CCDC187: variants seen among roughly 807,000 people sequenced by gnomAD.
The protein encoded by CCDC187 is coiled-coil domain-containing protein 187.
CCDC187 carries 32 observed loss-of-function variants against 38.0 expected under a neutral mutation model. The observed-to-expected ratio is 0.84, with a 90% CI of 0.64 to 1.13. The LOEUF (loss-of-function observed/expected upper bound fraction) is 1.13, where lower values mean the gene tolerates loss of function less well. Ranked by LOEUF, CCDC187 falls within the 50% of genes most tolerant of loss-of-function variation. The pLI, the probability that CCDC187 is intolerant of heterozygous loss-of-function variation, is 0.00. For missense variants in CCDC187, 707 were observed against 786.8 expected (o/e 0.90, Z 1.21); for synonymous variants, 333 against 347.9 (o/e 0.96, Z 0.48).
intron 16 of CCDC187, 44 bp downstream of exon 16, chr9:136,267,340 G>A (rs1364296409): frequency 3.1e-6 from 3 of 983,268 alleles, no homozygotes; most frequent in African/African-American, 1.8e-5. Flanking sequence ...ACAGCAGGGC[G>A]GGGCTACGGC....
In CCDC187 at chr9:136,293,345, AC is replaced by A. The variant is rs1461070729; in HGVS notation, c.833-1051del. Among the ~76,000 whole-genome samples the A allele has an allele frequency of 1.1e-3, 156 of 147,880 alleles. 2 individuals carry two copies. The highest frequency in any genetic ancestry group is 4.6e-3 in the Admixed American group (68 of 14,898). On this transcript the variant is annotated intron_variant, in intron 4 of 25. Transcript: ENST00000638797. Reference sequence around the variant, plus strand: ...CTCACATGCTTACACACTCACACTCACATGCTCACACACATTCACATGCTCA... The same window carrying A: ...CTCACATGCTTACACACTCACACTCAATGCTCACACACATTCACATGCTCA...
Position 136,250,864 on chromosome 9 carries a change from G to T in CCDC187, c.*2730C>A, listed in dbSNP as rs62579871. 3 of 455,040 alleles carry T rather than the reference G, an allele frequency of 6.6e-6. No homozygotes were observed. Among genetic ancestry groups the T allele is most frequent in the African/African-American group, 6.0e-5 (3 of 50,184 alleles). 28.2% of individuals were successfully genotyped at this position (455,040 alleles called of 1,614,324 possible). On this transcript the variant is annotated 3_prime_UTR_variant, in exon 26 of 26. Transcript: ENST00000638797. ...AGGCTGGGTCCAGCTGCTCCCGGGC[G>T]AGGGGTGTCTGGAGAGGGGCTCTTG...
Position 136,292,300 on chromosome 9 carries a change from A to G in CCDC187, c.833-5T>C. On this transcript the variant is annotated splice_region_variant and splice_polypyrimidine_tract_variant and intron_variant, in intron 4 of 25. Transcript: ENST00000638797. ...AAACACCAACCAGCTCCGAATCTTA[A>G]ACAGAGAAAACATACACACAGCCGG... 1 of 398,650 alleles carries G rather than the reference A, an allele frequency of 2.5e-6. No individual in the cohort carries two copies. The highest frequency in any genetic ancestry group is 4.4e-6 in the Non-Finnish European group (1 of 226,094). The allele number at this position is 398,650 out of a possible 1,614,324, so 24.7% of individuals were successfully genotyped here.
rs1830527978 is a variant in CCDC187, at chr9:136,250,926, C to G, written c.*2668G>C. 2.2e-6 allele frequency: 1 copy of G among 451,536 alleles called. No individual in the cohort carries two copies. The highest frequency in any genetic ancestry group is 1.6e-5 in the South Asian group (1 of 64,466). 28.0% of individuals were successfully genotyped at this position (451,536 alleles called of 1,614,324 possible). A position where few individuals can be genotyped will look rare whatever the true frequency, so the allele number is the denominator to read the frequency against. On this transcript the variant is annotated 3_prime_UTR_variant, in exon 26 of 26. Coordinates refer to ENST00000638797, the MANE Select transcript of CCDC187 (RefSeq NM_001378188.1). ...GGGGCCCAAAGAGGTTCTAAGGGGCCTGGGGTCTCTCACCAGAGCTATGGG... is the reference window on the plus strand; with the variant it reads ...GGGGCCCAAAGAGGTTCTAAGGGGCGTGGGGTCTCTCACCAGAGCTATGGG...
Position 136,254,683 on chromosome 9 carries a change from C to A in CCDC187, c.5145G>T (p.Leu1715=). 2 of 985,546 alleles carry A rather than the reference C, an allele frequency of 2.0e-6. No homozygotes were observed. The highest frequency in any genetic ancestry group is 3.5e-5 in the African/African-American group (2 of 57,380). The allele number at this position is 985,546 out of a possible 1,614,324, so 61.1% of individuals were successfully genotyped here. Residue 1715 remains leucine, a synonymous_variant, in exon 26 of 26, where the codon CTG becomes CTT. Coordinates refer to ENST00000638797, the MANE Select transcript of CCDC187 (RefSeq NM_001378188.1). ...TGGCCGTGTCCAAGGAGGAGCCACGCAGGGGGCCGGCCCTGCGGCCCTGGG... is the reference window on the plus strand; with the variant it reads ...TGGCCGTGTCCAAGGAGGAGCCACGAAGGGGGCCGGCCCTGCGGCCCTGGG... ...QRPQGRRAGP[L]RGSSLDTAMA...
At chr9:136,273,461 A>G (rs199864226) in intron 14 of CCDC187, among the ~76,000 whole-genome samples, 1 of 152,254 alleles carries the variant, frequency 6.6e-6, no homozygotes, top group East Asian at 1.9e-4. Flanking sequence ...GAGTTCATCA[A>G]GAGCACATAA....
At position 136,257,378 on chromosome 9, in the gene CCDC187, TAA is replaced by T. The variant is rs1554760441; in HGVS notation, c.4367-539_4367-538del. Among the ~76,000 whole-genome samples the T allele has an allele frequency of 1.5e-3, 33 of 21,770 alleles. No homozygotes were observed. The highest frequency in any genetic ancestry group is 3.0e-3 in the Non-Finnish European group (19 of 6,350). 14.3% of individuals were successfully genotyped at this position (21,770 alleles called of 152,430 possible). A position where few individuals can be genotyped will look rare whatever the true frequency, so the allele number is the denominator to read the frequency against. ...AGAGTGAGACTTTGTCTCAAAATTA[TAA>T]TAATAATAATAATAATAATAATAAT... On this transcript the variant is annotated intron_variant, in intron 22 of 25. Coordinates refer to ENST00000638797, the MANE Select transcript of CCDC187 (RefSeq NM_001378188.1). This position sits in a 1 kb window ranked among gnomAD's most constrained non-coding sequence, Gnocchi z 4.5.
At chr9:136,274,234 C>T (rs868993178) in intron 14 of CCDC187, among the ~76,000 whole-genome samples, 1 of 152,220 alleles carries the variant, frequency 6.6e-6, no homozygotes, top group East Asian at 1.9e-4. Flanking sequence ...CCCTCTGTCC[C>T]GGAGCAAGGC....
intron 3 of CCDC187, among the ~76,000 whole-genome samples, chr9:136,299,680 C>A (rs1380566310): frequency 6.6e-6 from 1 of 152,232 alleles, no homozygotes; most frequent in Non-Finnish European, 1.5e-5. Context: ...TCCATCCTAC[C>A]CCTTCCATTT....
chr9:136,268,479 G>C (rs1312634125), intron 14 of CCDC187, among the ~76,000 whole-genome samples: 1 of 152,154 alleles, frequency 6.6e-6, no homozygotes, highest in Admixed American at 6.5e-5. Flanking sequence ...GCACCAAGGA[G>C]CTGGCAGGTG....
chr9:136,265,355 C>T (rs1830731794), intron 17 of CCDC187, among the ~76,000 whole-genome samples: 1 of 152,208 alleles, frequency 6.6e-6, no homozygotes. Context: ...AAGGCAGGTG[C>T]AGCCACGGAT....
At chr9:136,298,048 C>T (rs1015405045) in intron 3 of CCDC187, among the ~76,000 whole-genome samples, 38 of 150,994 alleles carry the variant, frequency 2.5e-4, no homozygotes, top group Non-Finnish European at 3.2e-4. Flanking sequence ...TGGGGACTGC[C>T]GCTGGGGACT....
Position 136,257,793 on chromosome 9 carries a change from G to A in CCDC187, c.4367-952C>T, listed in dbSNP as rs1045210453. ...CACCTGCCCTCTTGTCCGTGGCTCCGGGTGACCCCAGCGACCACAATGGGG... is the reference window on the plus strand; with the variant it reads ...CACCTGCCCTCTTGTCCGTGGCTCCAGGTGACCCCAGCGACCACAATGGGG... On this transcript the variant is annotated intron_variant, in intron 22 of 25. Transcript: ENST00000638797. The surrounding 1 kb of genome is among the most constrained non-coding windows in gnomAD (Gnocchi z 4.5). 6.6e-5 allele frequency among the ~76,000 whole-genome samples: 10 copies of A among 152,236 alleles called. No individual in the cohort carries two copies. Among genetic ancestry groups the A allele is most frequent in the South Asian group, 4.1e-4 (2 of 4,826 alleles).
chr9:136,292,382 C>T (rs947918034), intron 4 of CCDC187, 87 bp from the exon 5 acceptor site: 15 of 397,936 alleles, frequency 3.8e-5, no homozygotes, highest in African/African-American at 6.2e-5. Context: ...GCTCTGCAAG[C>T]GCCAGGAGGC....
Position 136,258,840 on chromosome 9 carries a change from G to A in CCDC187, c.4366+92C>T. 5.1e-6 allele frequency: 5 copies of A among 985,562 alleles called. No individual in the cohort carries two copies. 61.1% of individuals were successfully genotyped at this position (985,562 alleles called of 1,614,324 possible). A position where few individuals can be genotyped will look rare whatever the true frequency, so the allele number is the denominator to read the frequency against. ...CTTCTTTGCTTTCCGTCCTTGTCCA[G>A]TGGCTGAGCTCCAGCCTCGGACAGG... On this transcript the variant is annotated intron_variant, in intron 22 of 25. Transcript: ENST00000638797. This position sits in a 1 kb window ranked among gnomAD's most constrained non-coding sequence, Gnocchi z 4.3.
At chr9:136,290,193 A>C (rs1446720104) in intron 6 of CCDC187, 140 bp from the exon 7 acceptor site, 3 of 397,406 alleles carry the variant, frequency 7.5e-6, no homozygotes, top group Admixed American at 4.4e-5. Flanking sequence ...TCGGGGTCCC[A>C]CTTCAGGGGC....
chr9:136,299,605 T>G (rs903224175), intron 3 of CCDC187, among the ~76,000 whole-genome samples: 25,343 of 152,166 alleles, frequency 0.17, 2,611 homozygotes, highest in South Asian at 0.29. Flanking sequence ...GCCTAGACCT[T>G]AATGGCTCCC....
chr9:136,257,030 G>A lies in CCDC187; in HGVS notation c.4367-189C>T, dbSNP rs1390289214. On this transcript the variant is annotated intron_variant, in intron 22 of 25. Transcript: ENST00000638797. The surrounding 1 kb of genome is among the most constrained non-coding windows in gnomAD (Gnocchi z 4.5). The stretch of plus-strand genomic sequence containing the variant: ...TGCTCCTAAAATGATCCTGTCATTG[G>A]ACAGTTAGTGATCAAAGTCCCAGCC... Among the ~76,000 whole-genome samples the A allele has an allele frequency of 6.6e-6, 1 of 152,214 alleles. No homozygotes were observed.
chr9:136,253,328 A>G lies in CCDC187; in HGVS notation c.*266T>C, dbSNP rs1830572140. ...AAAACAGGAGCCCAGTCCGCCGATCATCACTTCCACGTCACCAGCTGCCAA... is the reference window on the plus strand; with the variant it reads ...AAAACAGGAGCCCAGTCCGCCGATCGTCACTTCCACGTCACCAGCTGCCAA... On this transcript the variant is annotated 3_prime_UTR_variant, in exon 26 of 26. Transcript: ENST00000638797. The G allele has an allele frequency of 6.5e-6, 1 of 153,190 alleles. No individual in the cohort carries two copies. Among genetic ancestry groups the G allele is most frequent in the African/African-American group, 2.4e-5 (1 of 41,470 alleles). The allele number at this position is 153,190 out of a possible 1,614,324, so 9.5% of individuals were successfully genotyped here.
Sources: gnomAD v4.1 joint callset for allele counts (sites outside exome capture counted in the v4.1 genomes callset) on GRCh38, gnomAD v4.1.1 for gene constraint, Gnocchi (gnomAD v3.1) non-coding constraint, MANE v1.5 for transcripts, NCBI Gene and HGNC (gene_info 2026-07-23, HGNC 2026-07-21) for gene names.